ARHGAP8: variants seen among roughly 807,000 people sequenced by gnomAD.
ARHGAP8 encodes the protein rho GTPase-activating protein 8.
ARHGAP8 carries 62 observed loss-of-function variants against 46.1 expected under a neutral mutation model. That is an observed-to-expected ratio of 1.34 (90% CI 1.10 to 1.66). The LOEUF is 1.66. Ranked by LOEUF, ARHGAP8 falls within the 40% of genes most tolerant of loss-of-function variation. ARHGAP8 has a pLI of 0.00. For synonymous variants in ARHGAP8, 375 were observed against 243.1 expected, an observed-to-expected ratio of 1.54 and a Z score of -5.05; for missense variants, 923 against 568.4, an observed-to-expected ratio of 1.62 and a Z score of -6.34.
At chr22:44,823,992 C>T (rs115909218) in intron 6 of ARHGAP8, among the ~76,000 whole-genome samples, 5,910 of 152,150 alleles carry the variant, frequency 0.039, 360 homozygotes, top group African/African-American at 0.13. Context: ...CAGCAGAACC[C>T]CAGAGGACAC....
chr22:44,822,741 C>T (rs1412222564), intron 6 of ARHGAP8, among the ~76,000 whole-genome samples: 3 of 152,208 alleles, frequency 2.0e-5, no homozygotes, highest in Admixed American at 6.5e-5. Flanking sequence ...AACATGGCAA[C>T]GGCCGTTTGT....
chr22:44,773,927 G>T (rs1213795910), intron 1 of ARHGAP8, among the ~76,000 whole-genome samples: 2 of 152,200 alleles, frequency 1.3e-5, no homozygotes, highest in Admixed American at 1.3e-4. Flanking sequence ...AGTGATGATG[G>T]TTGTGAACAT....
intron 4 of ARHGAP8, among the ~76,000 whole-genome samples, chr22:44,813,979 T>C (rs537245343): frequency 1.3e-5 from 2 of 152,246 alleles, no homozygotes; most frequent in Admixed American, 6.5e-5. Flanking sequence ...GGATGCCCCT[T>C]CTCGCCTCCT....
At chr22:44,826,886 G>A (rs1930560086) in intron 7 of ARHGAP8, among the ~76,000 whole-genome samples, 1 of 152,186 alleles carries the variant, frequency 6.6e-6, no homozygotes, top group Non-Finnish European at 1.5e-5. Flanking sequence ...CGGCCCTGGG[G>A]ACCTGCCTGT....
At chr22:44,857,495 C>T (rs147087171) in intron 10 of ARHGAP8, among the ~76,000 whole-genome samples, 4 of 152,130 alleles carry the variant, frequency 2.6e-5, no homozygotes, top group East Asian at 1.9e-4. Context: ...GACATGGGTA[C>T]CTTCGTAAGG....
At chr22:44,803,538 C>T (rs963349942) in intron 3 of ARHGAP8, among the ~76,000 whole-genome samples, 4 of 151,124 alleles carry the variant, frequency 2.6e-5, no homozygotes, top group African/African-American at 9.8e-5. Flanking sequence ...CCAAACACAT[C>T]GTCCCTTGCA....
chr22:44,820,764 C>T lies in ARHGAP8; in HGVS notation c.387-1607C>T, dbSNP rs376235871. On this transcript the variant is annotated intron_variant, in intron 5 of 11. Coordinates refer to ENST00000356099, the MANE Select transcript of ARHGAP8 (RefSeq NM_181335.3). ...CCTGGCAATCCCCGCCCTCCTCCCT[C>T]AGCCCCCGGGTCCGATTCTTTCTCG... Among the ~76,000 whole-genome samples, 16 of 152,332 alleles carry T rather than the reference C, an allele frequency of 1.1e-4. No homozygotes were observed. The East Asian group carries it at 2.7e-3, about 26-fold the overall frequency.
chr22:44,826,681 C>A (rs965289440), intron 7 of ARHGAP8, among the ~76,000 whole-genome samples: 1 of 152,228 alleles, frequency 6.6e-6, no homozygotes, highest in Non-Finnish European at 1.5e-5. Context: ...CCCTCTCAGC[C>A]TCCCAAAGTG....
At chr22:44,761,661 A>G (rs989574004) in intron 1 of ARHGAP8, among the ~76,000 whole-genome samples, 2 of 152,306 alleles carry the variant, frequency 1.3e-5, no homozygotes, top group African/African-American at 4.8e-5. Context: ...GGGAGCTAAG[A>G]GTATATGGAG....
intron 10 of ARHGAP8, among the ~76,000 whole-genome samples, chr22:44,859,227 A>T (rs1212260842): frequency 6.8e-6 from 1 of 146,744 alleles, no homozygotes; most frequent in East Asian, 1.9e-4. Flanking sequence ...CTCATGTTGA[A>T]TTGAAACTTT....
rs1007233300 is a variant in ARHGAP8, at chr22:44,845,439, G to A, written c.670+97G>A. ...GATCCTGAGCACCCACAAGCCAGGGGGTGTGACCAGGAAGGGAGGGGCTCA... is the reference window on the plus strand; with the variant it reads ...GATCCTGAGCACCCACAAGCCAGGGAGTGTGACCAGGAAGGGAGGGGCTCA... On this transcript the variant is annotated intron_variant, in intron 8 of 11. Transcript: ENST00000356099. The A allele has an allele frequency of 3.6e-5, 55 of 1,534,658 alleles. No homozygotes were observed. In the Admixed American group the frequency reaches 3.6e-4, roughly 10 times the overall value.
At chr22:44,811,099 C>T (rs1043274475) in intron 4 of ARHGAP8, among the ~76,000 whole-genome samples, 2 of 152,196 alleles carry the variant, frequency 1.3e-5, no homozygotes, top group African/African-American at 2.4e-5. Flanking sequence ...GAAACAAACC[C>T]GTAATCAGCC....
chr22:44,816,925 C>T (rs1299354391), intron 5 of ARHGAP8, among the ~76,000 whole-genome samples: 1 of 145,780 alleles, frequency 6.9e-6, no homozygotes, highest in African/African-American at 2.7e-5. Context: ...CGCTTTTGTC[C>T]CCCAGGCTGG....
chr22:44,783,326 A>C (rs1199025906), intron 1 of ARHGAP8, among the ~76,000 whole-genome samples: 2 of 151,198 alleles, frequency 1.3e-5, no homozygotes, highest in African/African-American at 2.4e-5. Flanking sequence ...TCCATCCCCG[A>C]GCTGTCCACA....
intron 4 of ARHGAP8, among the ~76,000 whole-genome samples, chr22:44,811,223 C>T (rs2147097189): frequency 6.6e-6 from 1 of 152,360 alleles, no homozygotes; most frequent in Non-Finnish European, 1.5e-5. Context: ...TAAGATGTGC[C>T]AGTGGTCGAT....
In ARHGAP8 at chr22:44,862,453, C is replaced by T. The variant is rs9614957; in HGVS notation, c.1160C>T (p.Pro387Leu). 9.9e-6 allele frequency: 16 copies of T among 1,614,002 alleles called. No homozygotes were observed. The highest frequency in any genetic ancestry group is 1.3e-5 in the Non-Finnish European group (15 of 1,179,972). Residue 387 changes from proline (P) to leucine (L), a missense_variant, in exon 12 of 12, where the codon CCT (proline) becomes CTT (leucine). By Grantham distance (98) the Pro-to-Leu change is moderately conservative. Transcript: ENST00000356099. Reference protein sequence around the residue: ...YEKIFSTPEAPGEHGLAPWEQ... With the variant: ...YEKIFSTPEALGEHGLAPWEQ... ...AAGATCTTCAGCACCCCGGAGGCAC[C>T]TGGGGAGCACGGCCTGGCACCATGG...
At chr22:44,800,660 GC>G (rs1390898934) in intron 2 of ARHGAP8, among the ~76,000 whole-genome samples, 1 of 32,530 alleles carries the variant, frequency 3.1e-5, no homozygotes. Context: ...TGTGTGGGGG[GC>G]GCCCCTCCCC....
chr22:44,844,795 T>A (rs2069913038), intron 7 of ARHGAP8, among the ~76,000 whole-genome samples: 1 of 152,222 alleles, frequency 6.6e-6, no homozygotes, highest in Non-Finnish European at 1.5e-5. Flanking sequence ...TGTCTCAAAA[T>A]AGTAAAGTAA....
chr22:44,859,353 C>T (rs1601532600), intron 10 of ARHGAP8, among the ~76,000 whole-genome samples: 1 of 120,084 alleles, frequency 8.3e-6, no homozygotes, highest in Non-Finnish European at 1.9e-5. Flanking sequence ...TGTGGCACCT[C>T]TGTCCCACTC....
Sources: gnomAD v4.1 joint callset for allele counts (sites outside exome capture counted in the v4.1 genomes callset) on GRCh38, gnomAD v4.1.1 for gene constraint, MANE v1.5 for transcripts, NCBI Gene and HGNC (gene_info 2026-07-23, HGNC 2026-07-21) for gene names.